RAP1GAP2: variants seen among roughly 807,000 people sequenced by gnomAD.
RAP1GAP2 encodes RAP1 GTPase activating protein 2, also known as rap1 GTPase-activating protein 2.
In RAP1GAP2, 27 loss-of-function variants were observed where a neutral mutation model predicts 95.0. That is an observed-to-expected ratio of 0.28 (90% CI 0.21 to 0.39). RAP1GAP2 has a LOEUF of 0.39. Ranked by LOEUF, RAP1GAP2 falls within the 10% of genes least tolerant of loss-of-function variation. The probability of loss-of-function intolerance (pLI) is 1.00; values close to 1 mark genes in which losing one functional copy is unlikely to be tolerated. For missense variants in RAP1GAP2, 771 were observed against 970.0 expected, an observed-to-expected ratio of 0.79 and a Z score of 2.72; for synonymous variants, 373 against 380.9, an observed-to-expected ratio of 0.98 and a Z score of 0.24.
In RAP1GAP2 at chr17:3,026,375, G is replaced by A. The variant is rs1460099083; in HGVS notation, c.1891G>A (p.Gly631Ser). The change falls in exon 21 of 25, where the codon GGC (glycine) becomes AGC (serine). Residue 631 changes from glycine (G) to serine (S), a missense_variant. Physicochemically the swap from Gly to Ser is moderately conservative, Grantham distance 56. Transcript: ENST00000254695. The part of the protein sequence containing the change: ...EKPFMKLKEN[G>S]RAISRSSSST... ...GCCCTTCATGAAGTTGAAGGAAAACGGCCGTGCCATCTCCCGCTCCTCCTC... is the reference window on the plus strand; with the variant it reads ...GCCCTTCATGAAGTTGAAGGAAAACAGCCGTGCCATCTCCCGCTCCTCCTC... The A allele has an allele frequency of 3.2e-6, 5 of 1,551,896 alleles. No homozygotes were observed. Among genetic ancestry groups the A allele is most frequent in the Admixed American group, 2.0e-5 (1 of 51,044 alleles).
rs2044570573 is a variant in RAP1GAP2, at chr17:2,965,843, G to T, written c.596+200G>T. 8.6e-6 allele frequency: 5 copies of T among 578,268 alleles called. No individual in the cohort carries two copies. The South Asian group carries it at 1.0e-4, about 12-fold the overall frequency. 35.8% of individuals were successfully genotyped at this position (578,268 alleles called of 1,614,324 possible). On this transcript the variant is annotated intron_variant, in intron 8 of 24. Coordinates refer to ENST00000254695, the MANE Select transcript of RAP1GAP2 (RefSeq NM_015085.5). This position sits in a 1 kb window ranked among gnomAD's most constrained non-coding sequence, Gnocchi z 4.7. ...GGAGACCCACGCGCTCCACCAGTTA[G>T]CTGACAGTCAGAGGGGCATCCAGGT...
intron 2 of RAP1GAP2, among the ~76,000 whole-genome samples, chr17:2,815,573 C>G (rs1213388775): frequency 6.6e-6 from 1 of 151,794 alleles, no homozygotes; most frequent in Non-Finnish European, 1.5e-5. Context: ...CCTCCACCTC[C>G]CCGGTTCAAG....
chr17:2,787,182 C>T (rs1202914400), intron 1 of RAP1GAP2, among the ~76,000 whole-genome samples: 1 of 151,576 alleles, frequency 6.6e-6, no homozygotes, highest in Non-Finnish European at 1.5e-5. Flanking sequence ...AACTCCTGAC[C>T]TCAAGTGATC....
rs2071607329 is a variant in RAP1GAP2 at position 2,846,797 on chromosome 17, C to T, written c.80+46247C>T. 2.0e-5 allele frequency among the ~76,000 whole-genome samples: 3 copies of T among 152,172 alleles called. No homozygotes were observed. The South Asian group carries it at 6.2e-4, about 31-fold the overall frequency. Reference sequence around the variant, plus strand: ...AGGATTCTAACCCAGGTTCGTCTGACTGCAGCATATGTATTTTTATTCCCT... The same window carrying T: ...AGGATTCTAACCCAGGTTCGTCTGATTGCAGCATATGTATTTTTATTCCCT... On this transcript the variant is annotated intron_variant, in intron 2 of 24. Coordinates refer to ENST00000254695, the MANE Select transcript of RAP1GAP2 (RefSeq NM_015085.5).
At chr17:3,007,901 C>T (rs1042966587) in intron 16 of RAP1GAP2, 110 bp from the exon 17 acceptor site, 142 of 1,333,924 alleles carry the variant, frequency 1.1e-4, no homozygotes, top group African/African-American at 8.4e-4. Context: ...GTTGCTGGGC[C>T]GGGCTGGGCA....
chr17:2,916,801 ACAGT>A (rs1259691305), intron 3 of RAP1GAP2, among the ~76,000 whole-genome samples: 1 of 152,202 alleles, frequency 6.6e-6, no homozygotes, highest in Non-Finnish European at 1.5e-5. Context: ...TGAGAAACAC[ACAGT>A]CAGGGCTTCT....
At chr17:2,772,110 C>G (rs960457602), upstream of RAP1GAP2, among the ~76,000 whole-genome samples, 1 of 152,068 alleles carries the variant, frequency 6.6e-6, no homozygotes, top group Non-Finnish European at 1.5e-5. Flanking sequence ...CTCCCTCAGC[C>G]TCTTGAGTAG....
chr17:2,769,232 TAAAAAAAAAAAAAAAAAAAAAAAAAA>T lies in RAP1GAP2; in HGVS notation c.51-1082_51-1057del, dbSNP rs58436827. 3.7e-4 allele frequency among the ~76,000 whole-genome samples: 16 copies of T among 42,872 alleles called. 1 individual carries two copies. The highest frequency in any genetic ancestry group is 1.9e-3 in the South Asian group (2 of 1,042). 28.1% of individuals were successfully genotyped at this position (42,872 alleles called of 152,430 possible). A position where few individuals can be genotyped will look rare whatever the true frequency, so the allele number is the denominator to read the frequency against. ...GGATGAGAAAGTGAAACCATTTCTC[TAAAAAAAAAAAAAAAAAAAAAAAAAA>T]AAAAAAAAAAAAAAGGTCTGGGTGC... On this transcript the variant is annotated intron_variant, in intron 1 of 25. Transcript: ENST00000637138.
chr17:2,893,999 C>T (rs149275551), intron 2 of RAP1GAP2, among the ~76,000 whole-genome samples: 29 of 152,268 alleles, frequency 1.9e-4, no homozygotes, highest in Non-Finnish European at 4.1e-4. Context: ...TTATGAAAGC[C>T]GGCCAGGCGC....
intron 16 of RAP1GAP2, among the ~76,000 whole-genome samples, 174 bp downstream of exon 16, chr17:3,006,215 G>C (rs1054684743): frequency 7.0e-6 from 1 of 142,746 alleles, no homozygotes; most frequent in African/African-American, 2.6e-5. Flanking sequence ...CACAACCTCT[G>C]CCTCCCGGGC....
At chr17:2,781,196 C>T (rs1454858806) in intron 1 of RAP1GAP2, among the ~76,000 whole-genome samples, 8 of 152,210 alleles carry the variant, frequency 5.3e-5, no homozygotes, top group African/African-American at 1.9e-4. Context: ...GATTACTGGC[C>T]TCCTTCTTGG....
At chr17:2,756,524 T>C (rs1001442357) in intron 1 of RAP1GAP2, among the ~76,000 whole-genome samples, 2 of 152,178 alleles carry the variant, frequency 1.3e-5, no homozygotes, top group Non-Finnish European at 2.9e-5. Flanking sequence ...GCCAGGGGCC[T>C]GACCTCTGCT....
At chr17:2,859,027 T>G (rs1459001858) in intron 2 of RAP1GAP2, among the ~76,000 whole-genome samples, 1 of 152,212 alleles carries the variant, frequency 6.6e-6, no homozygotes, top group African/African-American at 2.4e-5. Flanking sequence ...CGTAAAAGTT[T>G]TCAAAAGTTT....
intron 1 of RAP1GAP2, among the ~76,000 whole-genome samples, chr17:2,760,739 TC>T (rs1218406895): frequency 6.6e-6 from 1 of 151,786 alleles, no homozygotes; most frequent in Non-Finnish European, 1.5e-5. Flanking sequence ...TACGTTTAGT[TC>T]CTGTGCTTCG....
At chr17:2,962,632 T>C in intron 4 of RAP1GAP2, 38 bp from the exon 5 acceptor site, 1 of 1,554,962 alleles carries the variant, frequency 6.4e-7, no homozygotes. Flanking sequence ...CTTCTGACCT[T>C]TGCTTTTCTG....
intron 13 of RAP1GAP2, among the ~76,000 whole-genome samples, chr17:2,997,313 GC>G (rs2045993632): frequency 6.6e-6 from 1 of 152,150 alleles, no homozygotes; most frequent in Admixed American, 6.5e-5. Context: ...CCTCCAGGAA[GC>G]CCTCTCAGGT....
chr17:2,972,012 TTAC>T (rs2044886365), intron 8 of RAP1GAP2, among the ~76,000 whole-genome samples: 1 of 152,190 alleles, frequency 6.6e-6, no homozygotes, highest in African/African-American at 2.4e-5. Flanking sequence ...GATTAAATGA[TTAC>T]TAATGGATGC....
chr17:2,964,041 G>C lies in RAP1GAP2; in HGVS notation c.465G>C (p.Arg155Ser). ...GYKLECKGEARAYRRHFLGKD... is the reference protein window; with the variant it reads ...GYKLECKGEASAYRRHFLGKD... Reference sequence around the variant, plus strand: ...AGCTCGAGTGCAAGGGTGAAGCCAGGGCCTACCGGAGGCACTTCCTGGGGA... The same window carrying C: ...AGCTCGAGTGCAAGGGTGAAGCCAGCGCCTACCGGAGGCACTTCCTGGGGA... The change falls in exon 7 of 25, where the codon AGG becomes AGC. Residue 155 changes from arginine to serine, a missense_variant. By Grantham distance (110) the Arg-to-Ser change is moderately radical. Coordinates refer to ENST00000254695, the MANE Select transcript of RAP1GAP2 (RefSeq NM_015085.5). 1 of 1,611,248 alleles carries C rather than the reference G, an allele frequency of 6.2e-7. No individual in the cohort carries two copies. Among genetic ancestry groups the C allele is most frequent in the Non-Finnish European group, 8.5e-7 (1 of 1,179,244 alleles).
At chr17:2,955,498 GTT>G (rs1035495748) in intron 3 of RAP1GAP2, among the ~76,000 whole-genome samples, 2 of 152,146 alleles carry the variant, frequency 1.3e-5, no homozygotes, top group African/African-American at 4.8e-5. Flanking sequence ...AGTTGTAAGA[GTT>G]TGTTTTTGTA....
Sources: gnomAD v4.1 joint callset for allele counts (sites outside exome capture counted in the v4.1 genomes callset) on GRCh38, gnomAD v4.1.1 for gene constraint, Gnocchi (gnomAD v3.1) non-coding constraint, MANE v1.5 for transcripts, NCBI Gene and HGNC (gene_info 2026-07-23, HGNC 2026-07-21) for gene names.